Variants in DEPDC5 observed in about 807,000 individuals in gnomAD.
DEPDC5 encodes the protein GATOR1 complex protein DEPDC5.
Under a neutral mutation model 217.3 loss-of-function variants are expected in DEPDC5, and 73 were observed. The observed-to-expected ratio is 0.34, with a 90% CI of 0.28 to 0.41. DEPDC5 has a LOEUF of 0.41. Ranked by LOEUF, DEPDC5 falls within the 10% of genes least tolerant of loss-of-function variation. The probability of loss-of-function intolerance (pLI) is 1.00; values close to 1 mark genes in which losing one functional copy is unlikely to be tolerated. For missense variants in DEPDC5, 1,675 were observed against 2,070.1 expected (o/e 0.81, Z 3.70); for synonymous variants, 733 against 756.7 (o/e 0.97, Z 0.51).
chr22:31,841,312 C>T (rs991277727), intron 27 of DEPDC5, among the ~76,000 whole-genome samples: 2 of 152,248 alleles, frequency 1.3e-5, no homozygotes, highest in Non-Finnish European at 2.9e-5. Flanking sequence ...GTCCTCCTCT[C>T]TCCTCTTGAC....
chr22:31,792,343 C>T (rs1012848162), intron 11 of DEPDC5, among the ~76,000 whole-genome samples: 17 of 152,148 alleles, frequency 1.1e-4, no homozygotes, highest in South Asian at 2.1e-4. Context: ...CAGTGGCTCA[C>T]GCCTGTAATC....
intron 33 of DEPDC5, 110 bp downstream of exon 33, chr22:31,861,543 G>A (rs1284562711): frequency 6.1e-6 from 7 of 1,154,218 alleles, no homozygotes; most frequent in African/African-American, 1.5e-5. Flanking sequence ...AGTTTGGGGG[G>A]CAGTTGAACT....
At chr22:31,847,886 C>A (rs2091833034) in intron 31 of DEPDC5, among the ~76,000 whole-genome samples, 1 of 152,198 alleles carries the variant, frequency 6.6e-6, no homozygotes, top group African/African-American at 2.4e-5. Context: ...CAAGGCAAAT[C>A]CCTTTTGCCT....
chr22:31,857,801 G>C, intron 32 of DEPDC5: 1 of 347,338 alleles, frequency 2.9e-6, no homozygotes. Flanking sequence ...TGTAATCCCA[G>C]CACTTTGGGA....
chr22:31,758,818 A>C (rs922450149), intron 3 of DEPDC5, among the ~76,000 whole-genome samples, 185 bp downstream of exon 3: 3 of 152,086 alleles, frequency 2.0e-5, no homozygotes, highest in African/African-American at 7.2e-5. Context: ...CAGCCTGGGC[A>C]ACATAGAGGG....
chr22:31,808,592 G>A (rs754110233), intron 18 of DEPDC5, among the ~76,000 whole-genome samples: 2 of 152,002 alleles, frequency 1.3e-5, no homozygotes, highest in Non-Finnish European at 2.9e-5. Context: ...CTGCCACCAC[G>A]CCCAGCTAAT....
chr22:31,800,993 T>A (rs1867288020), intron 14 of DEPDC5, among the ~76,000 whole-genome samples: 1 of 151,346 alleles, frequency 6.6e-6, no homozygotes, highest in Admixed American at 6.6e-5. Context: ...AATTCTTTTT[T>A]TTTTTTTTAA....
intron 10 of DEPDC5, among the ~76,000 whole-genome samples, chr22:31,788,888 TTTTA>T (rs1278748564): frequency 6.6e-6 from 1 of 151,424 alleles, no homozygotes. Context: ...ATATTCTTTA[TTTTA>T]TTTATTTATG....
intron 7 of DEPDC5, among the ~76,000 whole-genome samples, chr22:31,770,444 G>A (rs1196661928): frequency 1.3e-5 from 2 of 151,362 alleles, no homozygotes; most frequent in Non-Finnish European, 2.9e-5. Flanking sequence ...GCAGTGGTGG[G>A]ACCTTGGCTG....
rs539081017 is a variant in DEPDC5, at chr22:31,806,167, A to T, written c.1263A>T (p.Pro421=). The T allele has an allele frequency of 6.2e-7, 1 of 1,614,004 alleles. No individual in the cohort carries two copies. The highest frequency in any genetic ancestry group is 8.5e-7 in the Non-Finnish European group (1 of 1,179,970). ...AGCTCTTTTGTAATAGTTTCACCCC[A>T]CGAATAAAACTGGCAGGAAAGAAGG... The part of the protein sequence containing the change: ...KSQLFCNSFT[P]RIKLAGKKPA... Residue 421 remains proline, a synonymous_variant, in exon 18 of 43, where the codon CCA becomes CCT. Transcript: ENST00000651528.
intron 31 of DEPDC5, among the ~76,000 whole-genome samples, chr22:31,857,078 A>C (rs1255946687): frequency 6.6e-6 from 1 of 152,176 alleles, no homozygotes; most frequent in Non-Finnish European, 1.5e-5. Context: ...CTTAACATTC[A>C]GAATGTGCTT....
At chr22:31,828,218 A>G (rs1036767243) in intron 24 of DEPDC5, among the ~76,000 whole-genome samples, 2 of 152,240 alleles carry the variant, frequency 1.3e-5, no homozygotes, top group Admixed American at 6.5e-5. Context: ...TGGGAGGCCA[A>G]GGCGGGCGGA....
intron 39 of DEPDC5, among the ~76,000 whole-genome samples, chr22:31,895,150 A>G (rs894166479): frequency 6.6e-6 from 1 of 151,646 alleles, no homozygotes. Context: ...TCTCAAAAAA[A>G]AAAAAAAAAA....
At chr22:31,900,980 C>T (rs570010405) in intron 40 of DEPDC5, among the ~76,000 whole-genome samples, 4 of 151,784 alleles carry the variant, frequency 2.6e-5, no homozygotes, top group African/African-American at 9.7e-5. Context: ...CAGTGGCTCA[C>T]GCCTGTAATC....
At chr22:31,816,182 C>T (rs1442661531) in intron 21 of DEPDC5, among the ~76,000 whole-genome samples, 2 of 151,412 alleles carry the variant, frequency 1.3e-5, no homozygotes, top group Non-Finnish European at 2.9e-5. Flanking sequence ...TGCCTGTAAT[C>T]CCAGCTACTC....
chr22:31,886,147 A>G (rs2093306879), intron 38 of DEPDC5, among the ~76,000 whole-genome samples: 2 of 152,046 alleles, frequency 1.3e-5, no homozygotes, highest in Admixed American at 1.3e-4. Context: ...TGAGCCTCCC[A>G]AGTAGCTGGG....
chr22:31,791,198 A>G (rs2085592281), intron 10 of DEPDC5, among the ~76,000 whole-genome samples: 1 of 152,116 alleles, frequency 6.6e-6, no homozygotes, highest in Non-Finnish European at 1.5e-5. Flanking sequence ...CACTTTAGAT[A>G]ACTTTCCTAA....
chr22:31,771,503 C>T (rs1044150053), intron 7 of DEPDC5, among the ~76,000 whole-genome samples: 3 of 151,914 alleles, frequency 2.0e-5, no homozygotes, highest in Non-Finnish European at 4.4e-5. Context: ...AGGCAGATCA[C>T]GAGATCAGGA....
At chr22:31,755,645 C>T (rs2075260978) in intron 2 of DEPDC5, 1 of 151,660 alleles carries the variant, frequency 6.6e-6, no homozygotes, top group Non-Finnish European at 1.5e-5. Flanking sequence ...CTCAAAAGAT[C>T]CTTCCACCTC....
Sources: allele counts gnomAD v4.1 joint callset (sites outside exome capture counted in the v4.1 genomes callset), GRCh38; gene constraint gnomAD v4.1.1; transcripts MANE v1.5; gene names NCBI Gene and HGNC (gene_info 2026-07-23, HGNC 2026-07-21).